The following IRF2BP2 variants were observed in gnomAD, a reference collection of about 807,000 sequenced individuals.
The protein encoded by IRF2BP2 is interferon regulatory factor 2 binding protein 2.
IRF2BP2 carries 13 observed loss-of-function variants against 32.7 expected under a neutral mutation model. The ratio of observed to expected loss-of-function variants is 0.40; its 90% CI spans 0.26 to 0.63. The LOEUF (loss-of-function observed/expected upper bound fraction) is 0.63. Ranked by LOEUF, IRF2BP2 falls within the 30% of genes least tolerant of loss-of-function variation. The pLI, the probability that IRF2BP2 is intolerant of heterozygous loss-of-function variation, is 0.42. For synonymous variants in IRF2BP2, 555 were observed against 384.6 expected (o/e 1.44, Z -5.18); for missense variants, 980 against 830.6 (o/e 1.18, Z -2.21).
rs756016585 is a variant in IRF2BP2 at position 234,607,603 on chromosome 1, T to C, written c.1298A>G (p.Asp433Gly). 6 of 1,614,228 alleles carry C rather than the reference T, an allele frequency of 3.7e-6. No individual in the cohort carries two copies. In the Admixed American group the frequency reaches 1.0e-4, roughly 27 times the overall value. Reference protein sequence around the residue: ...SPMAALILVADNAGGSHASKD... With the variant: ...SPMAALILVAGNAGGSHASKD... Reference sequence around the variant, plus strand: ...TGAGGCATGACTGCCCCCTGCATTGTCTGCTACTAAGATCAGGGCTGCCAT... The same window carrying C: ...TGAGGCATGACTGCCCCCTGCATTGCCTGCTACTAAGATCAGGGCTGCCAT... The change falls in exon 2 of 2, where the codon GAC becomes GGC. Residue 433 changes from aspartate (D) to glycine (G), a missense_variant. Asp to Gly is a moderately conservative substitution (Grantham distance 94). Transcript: ENST00000366609.
Position 234,609,485 on chromosome 1 carries a change from C to G in IRF2BP2, c.10G>C (p.Ala4Pro). MAA[A>P]VAVAAASRRQ... Reference sequence around the variant, plus strand: ...CGGGACGCGGCCGCCACCGCCACCGCCGCGGCCATGTCCGAGGAGCCCGCG... The same window carrying G: ...CGGGACGCGGCCGCCACCGCCACCGGCGCGGCCATGTCCGAGGAGCCCGCG... Residue 4 changes from alanine (A) to proline (P), a missense_variant, in exon 1 of 2, where the codon GCG (alanine) becomes CCG (proline). Physicochemically the swap from Ala to Pro is conservative, Grantham distance 27. Coordinates refer to ENST00000366609, the MANE Select transcript of IRF2BP2 (RefSeq NM_182972.3). 4.7e-6 allele frequency: 7 copies of G among 1,500,282 alleles called. No homozygotes were observed. The highest frequency in any genetic ancestry group is 5.3e-6 in the Non-Finnish European group (6 of 1,125,810). 92.9% of individuals were successfully genotyped at this position (1,500,282 alleles called of 1,614,324 possible). A position where few individuals can be genotyped will look rare whatever the true frequency, so the allele number is the denominator to read the frequency against.
chr1:234,608,659 G>GC lies in IRF2BP2; in HGVS notation c.835dup (p.Ala279GlyfsTer48). 1 of 1,532,430 alleles carries GC rather than the reference G, an allele frequency of 6.5e-7. No homozygotes were observed. The highest frequency in any genetic ancestry group is 8.7e-7 in the Non-Finnish European group (1 of 1,149,048). 94.9% of individuals were successfully genotyped at this position (1,532,430 alleles called of 1,614,324 possible). ...CGCACCTTCCGCGCTCAGCTCGGCGGCCCCGGCCGCGGTGGACAGGCTGTC... is the reference window on the plus strand; with the variant it reads ...CGCACCTTCCGCGCTCAGCTCGGCGGCCCCCGGCCGCGGTGGACAGGCTGTC... On this transcript the variant is annotated frameshift_variant, in exon 1 of 2. Coordinates refer to ENST00000366609, the MANE Select transcript of IRF2BP2 (RefSeq NM_182972.3). LOFTEE classifies it high-confidence loss of function.
intron 1 of IRF2BP2, 119 bp downstream of exon 1, chr1:234,608,328 G>T (rs980267822): frequency 1.2e-6 from 1 of 827,498 alleles, no homozygotes; most frequent in Admixed American, 3.3e-5. Flanking sequence ...GGCAGATCAG[G>T]AAGTGGGGTG....
At position 234,609,087 on chromosome 1, in the gene IRF2BP2, G is replaced by C. The variant is rs1324459354; in HGVS notation, c.408C>G (p.Ser136Arg). The C allele has an allele frequency of 8.0e-7, 1 of 1,242,894 alleles. No individual in the cohort carries two copies. Among genetic ancestry groups the C allele is most frequent in the Non-Finnish European group, 1.0e-6 (1 of 995,880 alleles). The allele number at this position is 1,242,894 out of a possible 1,614,324, so 77.0% of individuals were successfully genotyped here. The change falls in exon 1 of 2, where the codon AGC becomes AGG. Residue 136 changes from serine to arginine, a missense_variant. Coordinates refer to ENST00000366609, the MANE Select transcript of IRF2BP2 (RefSeq NM_182972.3). ...PPRLGSDFGSSRPAASLAQPP... is the reference protein window; with the variant it reads ...PPRLGSDFGSRRPAASLAQPP... ...GCTGGGCCAGGCTCGCTGCCGGGCG[G>C]CTGCTGCCGAAGTCAGAGCCGAGGC...
In IRF2BP2 at chr1:234,608,946, C is replaced by T. The variant is rs551153424; in HGVS notation, c.549G>A (p.Ala183=). 2.2e-6 allele frequency: 3 copies of T among 1,360,336 alleles called. No individual in the cohort carries two copies. Among genetic ancestry groups the T allele is most frequent in the South Asian group, 4.1e-5 (2 of 49,144 alleles). 84.3% of individuals were successfully genotyped at this position (1,360,336 alleles called of 1,614,324 possible). Residue 183 remains alanine (A), a synonymous_variant, in exon 1 of 2, where the codon GCG becomes GCA. Coordinates refer to ENST00000366609, the MANE Select transcript of IRF2BP2 (RefSeq NM_182972.3). Reference sequence around the variant, plus strand: ...TGAGCGGCACCAGGGTGGGCGGCACCGCGTGGCCGCGCCGCGGGTTCGGGC... The same window carrying T: ...TGAGCGGCACCAGGGTGGGCGGCACTGCGTGGCCGCGCCGCGGGTTCGGGC... The part of the protein sequence containing the change: ...RQSPNPRRGH[A]VPPTLVPLMN...
At position 234,609,124 on chromosome 1, in the gene IRF2BP2, T is replaced by TCGGCCG. The variant is rs1041708693; in HGVS notation, c.365_370dup (p.Ala122_Ala123dup). The TCGGCCG allele has an allele frequency of 8.1e-6, 10 of 1,227,220 alleles. No homozygotes were observed. Among genetic ancestry groups the TCGGCCG allele is most frequent in the Non-Finnish European group, 1.0e-5 (10 of 986,214 alleles). The allele number at this position is 1,227,220 out of a possible 1,614,324, so 76.0% of individuals were successfully genotyped here. A position where few individuals can be genotyped will look rare whatever the true frequency, so the allele number is the denominator to read the frequency against. On this transcript the variant is annotated inframe_insertion, in exon 1 of 2. Coordinates refer to ENST00000366609, the MANE Select transcript of IRF2BP2 (RefSeq NM_182972.3). ...GTCAGAGCCGAGGCGCGGGGGCCTC[T>TCGGCCG]CGGCCGCGGCCGCCAACGGGTAGCG...
rs931873581 is a variant in IRF2BP2, at chr1:234,609,704, G to A, written c.-210C>T. Reference sequence around the variant, plus strand: ...CAGCGCCCCCGGTGCACGAGGGGCGGCGGGCGCGAGGTGAGGGGCTGCAGC... The same window carrying A: ...CAGCGCCCCCGGTGCACGAGGGGCGACGGGCGCGAGGTGAGGGGCTGCAGC... On this transcript the variant is annotated 5_prime_UTR_variant, in exon 1 of 2. Transcript: ENST00000366609. Among the ~76,000 whole-genome samples, 1 of 144,900 alleles carries A rather than the reference G, an allele frequency of 6.9e-6. No homozygotes were observed. The highest frequency in any genetic ancestry group is 1.5e-5 in the Non-Finnish European group (1 of 65,190).
chr1:234,608,416 C>A, intron 1 of IRF2BP2, 31 bp downstream of exon 1: 1 of 1,449,064 alleles, frequency 6.9e-7, no homozygotes, highest in Non-Finnish European at 9.2e-7. Flanking sequence ...CTTTTCTCCC[C>A]TAGACCCCCT....
Position 234,609,276 on chromosome 1 carries a change from G to A in IRF2BP2, c.219C>T (p.Pro73=), listed in dbSNP as rs1242258844. ...TGGCGGCGGCCGAGGCCGCGGCGCCGGGTGGGGAGCGACCCTCCGGGAAGC... is the reference window on the plus strand; with the variant it reads ...TGGCGGCGGCCGAGGCCGCGGCGCCAGGTGGGGAGCGACCCTCCGGGAAGC... ...HGCFPEGRSP[P]GAAASAAAKP... is the part of the protein sequence containing the mutation. Residue 73 remains proline (P), a synonymous_variant, in exon 1 of 2, where the codon CCC becomes CCT. Transcript: ENST00000366609. The A allele has an allele frequency of 2.0e-5, 28 of 1,412,714 alleles. No homozygotes were observed. The highest frequency in any genetic ancestry group is 6.0e-5 in the South Asian group (4 of 66,488). The allele number at this position is 1,412,714 out of a possible 1,614,324, so 87.5% of individuals were successfully genotyped here. A position where few individuals can be genotyped will look rare whatever the true frequency, so the allele number is the denominator to read the frequency against.
chr1:234,608,541 C>G lies in IRF2BP2; in HGVS notation c.954G>C (p.Ser318=), dbSNP rs760802611. 6.2e-7 allele frequency: 1 copy of G among 1,610,230 alleles called. No individual in the cohort carries two copies. The highest frequency in any genetic ancestry group is 8.5e-7 in the Non-Finnish European group (1 of 1,178,942). ...TCTTAAACTTGCTCTCGAAGGGCCC[C>G]GAGTGGCCGTGCTGGTGCAGCGCCA... ...TLLALHQHGH[S]GPFESKFKKE... is the part of the protein sequence containing the mutation. The change falls in exon 1 of 2, where the codon TCG becomes TCC. Residue 318 remains serine, a synonymous_variant. Transcript: ENST00000366609.
At position 234,609,217 on chromosome 1, in the gene IRF2BP2, A is replaced by C; in HGVS notation, c.278T>G (p.Leu93Trp). The change falls in exon 1 of 2, where the codon TTG becomes TGG. Residue 93 changes from leucine to tryptophan, a missense_variant. Transcript: ENST00000366609. ...PPPLSAKDILLQQQQQLGHGG... is the reference protein window; with the variant it reads ...PPPLSAKDILWQQQQQLGHGG... Reference sequence around the variant, plus strand: ...GTGGCCAAGCTGCTGCTGCTGCTGCAAAAGGATGTCCTTGGCGGAGAGCGG... The same window carrying C: ...GTGGCCAAGCTGCTGCTGCTGCTGCCAAAGGATGTCCTTGGCGGAGAGCGG... 7.5e-7 allele frequency: 1 copy of C among 1,333,216 alleles called. No individual in the cohort carries two copies. Among genetic ancestry groups the C allele is most frequent in the Non-Finnish European group, 9.6e-7 (1 of 1,046,870 alleles). The allele number at this position is 1,333,216 out of a possible 1,614,324, so 82.6% of individuals were successfully genotyped here.
chr1:234,608,214 G>A, intron 1 of IRF2BP2: 1 of 526,062 alleles, frequency 1.9e-6, no homozygotes, highest in Non-Finnish European at 3.3e-6. Flanking sequence ...AATGTGCTGG[G>A]AAAGGAAAAC....
chr1:234,609,167 C>T lies in IRF2BP2; in HGVS notation c.328G>A (p.Ala110Thr). The T allele has an allele frequency of 7.9e-7, 1 of 1,273,080 alleles. No individual in the cohort carries two copies. Among genetic ancestry groups the T allele is most frequent in the Non-Finnish European group, 9.9e-7 (1 of 1,013,196 alleles). 78.9% of individuals were successfully genotyped at this position (1,273,080 alleles called of 1,614,324 possible). A position where few individuals can be genotyped will look rare whatever the true frequency, so the allele number is the denominator to read the frequency against. ...GHGGPEAAPR[A>T]PQALERYPLA... ...GGGTAGCGCTCCAAGGCCTGCGGCG[C>T]GCGCGGGGCCGCCTCGGGGCCGCCG... Residue 110 changes from alanine (A) to threonine (T), a missense_variant, in exon 1 of 2, where the codon GCG (alanine) becomes ACG (threonine). Ala to Thr is a moderately conservative substitution (Grantham distance 58, BLOSUM62 0). Coordinates refer to ENST00000366609, the MANE Select transcript of IRF2BP2 (RefSeq NM_182972.3).
At position 234,608,729 on chromosome 1, in the gene IRF2BP2, C is replaced by T. The variant is rs1672247545; in HGVS notation, c.766G>A (p.Ala256Thr). The T allele has an allele frequency of 6.7e-7, 1 of 1,501,772 alleles. No individual in the cohort carries two copies. The highest frequency in any genetic ancestry group is 8.8e-7 in the Non-Finnish European group (1 of 1,135,930). The allele number at this position is 1,501,772 out of a possible 1,614,324, so 93.0% of individuals were successfully genotyped here. A position where few individuals can be genotyped will look rare whatever the true frequency, so the allele number is the denominator to read the frequency against. Residue 256 changes from alanine (A) to threonine (T), a missense_variant, in exon 1 of 2, where the codon GCC becomes ACC. Physicochemically the swap from Ala to Thr is moderately conservative, Grantham distance 58. Coordinates refer to ENST00000366609, the MANE Select transcript of IRF2BP2 (RefSeq NM_182972.3). Reference sequence around the variant, plus strand: ...GGCGGCGGCGGTTGTTTCTCCTTGGCTGCCGCCTCACGCTGCTCGTGCTCC... The same window carrying T: ...GGCGGCGGCGGTTGTTTCTCCTTGGTTGCCGCCTCACGCTGCTCGTGCTCC... ...AVEHEQREAAAKEKQPPPPAH... is the reference protein window; with the variant it reads ...AVEHEQREAATKEKQPPPPAH...
chr1:234,606,663 G>C lies in IRF2BP2; in HGVS notation c.*474C>G, dbSNP rs192581544. ...TGCCCACTTGACAACATGCCCGTTC[G>C]ATCATTTCCTTTCCTTCTCCACCAC... On this transcript the variant is annotated 3_prime_UTR_variant, in exon 2 of 2. Coordinates refer to ENST00000366609, the MANE Select transcript of IRF2BP2 (RefSeq NM_182972.3). 6.5e-6 allele frequency: 1 copy of C among 154,586 alleles called. No individual in the cohort carries two copies. Among genetic ancestry groups the C allele is most frequent in the East Asian group, 1.9e-4 (1 of 5,236 alleles). The allele number at this position is 154,586 out of a possible 1,614,324, so 9.6% of individuals were successfully genotyped here. A position where few individuals can be genotyped will look rare whatever the true frequency, so the allele number is the denominator to read the frequency against.
rs1339087352 is a variant in IRF2BP2 at position 234,609,644 on chromosome 1, G to A, written c.-150C>T. ...GGCGGCGGCCGCAAAGGCGGCGGCGGCGGCGGCAAAGCCCGCGAAGGCTCG... is the reference window on the plus strand; with the variant it reads ...GGCGGCGGCCGCAAAGGCGGCGGCGACGGCGGCAAAGCCCGCGAAGGCTCG... On this transcript the variant is annotated 5_prime_UTR_variant, in exon 1 of 2. Coordinates refer to ENST00000366609, the MANE Select transcript of IRF2BP2 (RefSeq NM_182972.3). 2.0e-5 allele frequency: 6 copies of A among 295,338 alleles called. No individual in the cohort carries two copies. Among genetic ancestry groups the A allele is most frequent in the Non-Finnish European group, 3.4e-5 (6 of 174,016 alleles). 18.3% of individuals were successfully genotyped at this position (295,338 alleles called of 1,614,324 possible).
rs773862476 is a variant in IRF2BP2 at position 234,607,814 on chromosome 1, G to C, written c.1087C>G (p.Pro363Ala). Reference protein sequence around the residue: ...TARKRKPSPEPEGEVGPPKIN... With the variant: ...TARKRKPSPEAEGEVGPPKIN... ...TTAGGGGGCCCGACTTCACCTTCTG[G>C]TTCTGGAGAGGGCTTCCTTTTCCTT... The change falls in exon 2 of 2, where the codon CCA becomes GCA. Residue 363 changes from proline to alanine, a missense_variant. Physicochemically the swap from Pro to Ala is conservative, Grantham distance 27. Coordinates refer to ENST00000366609, the MANE Select transcript of IRF2BP2 (RefSeq NM_182972.3). The C allele has an allele frequency of 3.7e-6, 6 of 1,601,128 alleles. No individual in the cohort carries two copies. In the Admixed American group the frequency reaches 6.9e-5, roughly 18 times the overall value.
chr1:234,609,918 G>A lies in IRF2BP2; in HGVS notation c.-424C>T, dbSNP rs1477014157. Among the ~76,000 whole-genome samples the A allele has an allele frequency of 2.1e-5, 3 of 142,072 alleles. No homozygotes were observed. The South Asian group carries it at 6.4e-4, about 31-fold the overall frequency. 93.2% of individuals were successfully genotyped at this position (142,072 alleles called of 152,430 possible). A position where few individuals can be genotyped will look rare whatever the true frequency, so the allele number is the denominator to read the frequency against. On this transcript the variant is annotated 5_prime_UTR_variant, in exon 1 of 2. Transcript: ENST00000366609. ...GGCCGGCACGGAGTGCGGGGCGGGG[G>A]GCGGGGAGGCCGGGGGGGCAGGGGG...
At chr1:234,608,404 C>T (rs1198559209) in intron 1 of IRF2BP2, 43 bp downstream of exon 1, 4 of 1,378,342 alleles carry the variant, frequency 2.9e-6, no homozygotes, top group South Asian at 3.1e-5. Flanking sequence ...GCTCTCCGTC[C>T]CCTTTTCTCC....
Sources: allele counts gnomAD v4.1 joint callset (sites outside exome capture counted in the v4.1 genomes callset), GRCh38; gene constraint gnomAD v4.1.1; transcripts MANE v1.5; gene names NCBI Gene and HGNC (gene_info 2026-07-23, HGNC 2026-07-21).